Variants in KIF9 observed in about 807,000 individuals in gnomAD.
The protein encoded by KIF9 is kinesin-like protein KIF9.
A neutral mutation model predicts 94.8 loss-of-function variants in KIF9; 68 were observed. The ratio of observed to expected loss-of-function variants is 0.72; its 90% CI spans 0.59 to 0.88. The LOEUF is 0.88. Ranked by LOEUF, KIF9 falls within the 40% of genes least tolerant of loss-of-function variation. The probability of loss-of-function intolerance (pLI) is 0.00; values close to 1 mark genes in which losing one functional copy is unlikely to be tolerated. For missense variants in KIF9, 882 were observed against 982.5 expected, an observed-to-expected ratio of 0.90 and a Z score of 1.37; for synonymous variants, 343 against 362.1, an observed-to-expected ratio of 0.95 and a Z score of 0.60.
intron 10 of KIF9, among the ~76,000 whole-genome samples, chr3:47,252,510 T>C (rs11921117): frequency 0.34 from 51,211 of 151,668 alleles, 8,992 homozygotes; most frequent in Middle Eastern, 0.46. Flanking sequence ...GGTGGGAGAA[T>C]TGCTTGAGCC....
At chr3:47,270,194 G>A (rs1394610113) in intron 5 of KIF9, among the ~76,000 whole-genome samples, 3 of 151,404 alleles carry the variant, frequency 2.0e-5, no homozygotes, top group Admixed American at 6.6e-5. Flanking sequence ...ATGAGCCACC[G>A]CACCTGGCTC....
rs143083634 is a variant in KIF9, at chr3:47,240,967, A to G, written c.1758T>C (p.Asn586=). Residue 586 remains asparagine, a synonymous_variant, in exon 17 of 21, where the codon AAT becomes AAC. Transcript: ENST00000684063. ...TTCGGTTGATCTCACTACCTTGCTC[A>G]TTCTTAAACTCCTCAAAGGCCACTG... ...SKPVAFEEFK[N]EQGSEINRIF... 1.2e-5 allele frequency: 19 copies of G among 1,614,084 alleles called. No individual in the cohort carries two copies. The East Asian group carries it at 4.2e-4, about 36-fold the overall frequency.
Position 47,281,136 on chromosome 3 carries a change from T to A in KIF9, c.-6+1359A>T. On this transcript the variant is annotated intron_variant, in intron 1 of 20. Transcript: ENST00000684063. ...AGGAAATGGCGGTGGTTGGTGATGG[T>A]AATGGCTGGAAGTCAGAGGGCAGCT... 3 of 661,698 alleles carry A rather than the reference T, an allele frequency of 4.5e-6. No homozygotes were observed. In the South Asian group the frequency reaches 5.0e-5, roughly 11 times the overall value. The allele number at this position is 661,698 out of a possible 1,614,324, so 41.0% of individuals were successfully genotyped here. A position where few individuals can be genotyped will look rare whatever the true frequency, so the allele number is the denominator to read the frequency against.
chr3:47,233,710 GA>G (rs201093977), intron 20 of KIF9, among the ~76,000 whole-genome samples: 4,791 of 144,932 alleles, frequency 0.033, 227 homozygotes, highest in East Asian at 0.13. Flanking sequence ...GAAAAGAAAA[GA>G]AAAAAAAAAG....
At position 47,239,801 on chromosome 3, in the gene KIF9, G is replaced by A. The variant is rs1413853058; in HGVS notation, c.1924+1000C>T. The A allele has an allele frequency of 4.4e-6, 6 of 1,366,656 alleles. No individual in the cohort carries two copies. The African/African-American group carries it at 5.9e-5, about 13-fold the overall frequency. 84.7% of individuals were successfully genotyped at this position (1,366,656 alleles called of 1,614,324 possible). On this transcript the variant is annotated intron_variant, in intron 17 of 20. Transcript: ENST00000684063. ...ATGCACCCCCTGTGAGTGAGATGATGCATCTGACTTGCAGGAATAAACCAA... is the reference window on the plus strand; with the variant it reads ...ATGCACCCCCTGTGAGTGAGATGATACATCTGACTTGCAGGAATAAACCAA...
At chr3:47,249,436 G>A (rs1484631511) in intron 10 of KIF9, among the ~76,000 whole-genome samples, 1 of 152,156 alleles carries the variant, frequency 6.6e-6, no homozygotes, top group Non-Finnish European at 1.5e-5. Flanking sequence ...GTGAGTCACT[G>A]TGCCTGGCCT....
intron 10 of KIF9, among the ~76,000 whole-genome samples, chr3:47,256,506 C>A (rs1468268365): frequency 1.3e-5 from 2 of 151,276 alleles, no homozygotes; most frequent in African/African-American, 4.9e-5. Flanking sequence ...GCCGCCCCGT[C>A]TGGGAGGGAG....
chr3:47,266,245 C>T (rs950197113), intron 7 of KIF9, among the ~76,000 whole-genome samples: 16 of 152,332 alleles, frequency 1.1e-4, no homozygotes, highest in African/African-American at 3.6e-4. Context: ...CATGAATGCA[C>T]ATACAAATGC....
chr3:47,266,955 C>A (rs774588850), intron 7 of KIF9, 21 bp downstream of exon 7: 6 of 1,579,050 alleles, frequency 3.8e-6, no homozygotes, highest in African/African-American at 1.3e-5. Flanking sequence ...TGAGTAGCAA[C>A]CTCCAGCCCC....
chr3:47,257,893 T>A (rs1189013127), intron 9 of KIF9, among the ~76,000 whole-genome samples: 1 of 152,202 alleles, frequency 6.6e-6, no homozygotes, highest in East Asian at 1.9e-4. Context: ...AGTACCCTTT[T>A]CTGTCCTCCT....
chr3:47,278,864 C>CA (rs1265527073), intron 1 of KIF9, among the ~76,000 whole-genome samples: 2 of 152,006 alleles, frequency 1.3e-5, no homozygotes, highest in Non-Finnish European at 2.9e-5. Flanking sequence ...CCCAGCTACT[C>CA]AGAAGGCTGA....
At chr3:47,264,080 CT>C in intron 9 of KIF9, 1 of 579,322 alleles carries the variant, frequency 1.7e-6, no homozygotes, top group East Asian at 3.3e-5. Flanking sequence ...CTGGCTGGCC[CT>C]TTTCCTCCGC....
chr3:47,270,121 C>T (rs1701548328), intron 5 of KIF9, among the ~76,000 whole-genome samples: 1 of 151,974 alleles, frequency 6.6e-6, no homozygotes, highest in African/African-American at 2.4e-5. Context: ...CTAAGCTGGT[C>T]TCGAACTCCT....
intron 7 of KIF9, chr3:47,266,124 A>G: frequency 2.4e-6 from 1 of 420,600 alleles, no homozygotes; most frequent in Non-Finnish European, 4.3e-6. Flanking sequence ...GAATGCTTAC[A>G]TGAATATTCA....
At chr3:47,259,827 C>CG (rs1333721604) in intron 9 of KIF9, among the ~76,000 whole-genome samples, 1 of 106,772 alleles carries the variant, frequency 9.4e-6, no homozygotes. Context: ...ACAAAAACTG[C>CG]GGAAGGCCGC....
intron 5 of KIF9, 54 bp from the exon 6 acceptor site, chr3:47,267,317 A>G: frequency 2.3e-6 from 3 of 1,291,038 alleles, no homozygotes; most frequent in Non-Finnish European, 3.4e-6. Context: ...ACGACAAGGC[A>G]CTTGGGTCAT....
At chr3:47,281,308 C>T in intron 1 of KIF9, 3 of 415,276 alleles carry the variant, frequency 7.2e-6, no homozygotes, top group Non-Finnish European at 1.3e-5. Context: ...AATCCACATC[C>T]AGCACCTCAC....
At chr3:47,277,128 T>C (rs1415533024) in intron 2 of KIF9, 154 bp downstream of exon 2, 1 of 455,718 alleles carries the variant, frequency 2.2e-6, no homozygotes, top group Non-Finnish European at 4.0e-6. Flanking sequence ...TAGCAGTGTG[T>C]GAGGGGGTGG....
At chr3:47,246,704 C>G (rs962626299) in intron 12 of KIF9, 1 of 152,554 alleles carries the variant, frequency 6.6e-6, no homozygotes, top group African/African-American at 2.4e-5. Flanking sequence ...GGCCTCCCCC[C>G]AGCCTAAAGC....
Sources: allele counts gnomAD v4.1 joint callset (sites outside exome capture counted in the v4.1 genomes callset), GRCh38; gene constraint gnomAD v4.1.1; transcripts MANE v1.5; gene names NCBI Gene and HGNC (gene_info 2026-07-23, HGNC 2026-07-21).